ZNF143: variants seen among roughly 807,000 people sequenced by gnomAD.
ZNF143 encodes SPH-binding factor.
A neutral mutation model predicts 74.1 loss-of-function variants in ZNF143; 49 were observed. That is an observed-to-expected ratio of 0.66 (90% CI 0.53 to 0.84). The LOEUF (loss-of-function observed/expected upper bound fraction) is 0.84. Among genes scored for constraint, ZNF143 ranks in the 40% least tolerant of loss-of-function variants. ZNF143 has a pLI of 0.00. For synonymous variants in ZNF143, 304 were observed against 282.8 expected (o/e 1.07, Z -0.75); for missense variants, 637 against 793.4 (o/e 0.80, Z 2.37).
rs564969157 is a variant in ZNF143 at position 9,519,640 on chromosome 11, G to C, written c.1686+3278G>C. 1.4e-4 allele frequency among the ~76,000 whole-genome samples: 22 copies of C among 152,240 alleles called. 1 individual carries two copies. In the South Asian group the frequency reaches 4.6e-3, roughly 32 times the overall value. Reference sequence around the variant, plus strand: ...CTTGTTGATATATTCTCCCCTTGGTGAACATTTGAAATGCTTCCAGTTTTT... The same window carrying C: ...CTTGTTGATATATTCTCCCCTTGGTCAACATTTGAAATGCTTCCAGTTTTT... On this transcript the variant is annotated intron_variant, in intron 14 of 15. Coordinates refer to ENST00000396602, the MANE Select transcript of ZNF143 (RefSeq NM_003442.6).
At chr11:9,521,920 G>T (rs574319445) in intron 14 of ZNF143, among the ~76,000 whole-genome samples, 4 of 152,044 alleles carry the variant, frequency 2.6e-5, no homozygotes, top group African/African-American at 9.6e-5. Flanking sequence ...TACAAAATTA[G>T]CCAGGTGTGG....
intron 14 of ZNF143, among the ~76,000 whole-genome samples, chr11:9,518,304 C>G (rs1381789048): frequency 6.6e-6 from 1 of 152,178 alleles, no homozygotes; most frequent in Non-Finnish European, 1.5e-5. Flanking sequence ...ACAACCACCA[C>G]CACCACCTCC....
At chr11:9,493,762 G>A (rs1256304007) in intron 7 of ZNF143, among the ~76,000 whole-genome samples, 1 of 152,130 alleles carries the variant, frequency 6.6e-6, no homozygotes, top group Non-Finnish European at 1.5e-5. Context: ...AGAGTAGAAA[G>A]TCATTCTTCC....
intron 7 of ZNF143, among the ~76,000 whole-genome samples, chr11:9,490,789 G>A (rs1565043155): frequency 6.6e-6 from 1 of 152,164 alleles, no homozygotes; most frequent in African/African-American, 2.4e-5. Context: ...CTGGAGTGCA[G>A]TGGGGCGATC....
At position 9,478,561 on chromosome 11, in the gene ZNF143, G is replaced by A. The variant is rs1463649397; in HGVS notation, c.545G>A (p.Ser182Asn). The A allele has an allele frequency of 1.2e-6, 2 of 1,614,010 alleles. No individual in the cohort carries two copies. Among genetic ancestry groups the A allele is most frequent in the Non-Finnish European group, 1.7e-6 (2 of 1,180,016 alleles). The change falls in exon 6 of 16, where the codon AGT (serine) becomes AAT (asparagine). Residue 182 changes from serine to asparagine, a missense_variant. Around this residue, in one of 2 missense-constraint regions of ZNF143, gnomAD observed 293 missense variants for 307.8 expected, o/e 0.95. Transcript: ENST00000396602. ...GDATIDPDTI[S>N]ALEQYAAKVS... ...GCTACAATTGACCCTGACACCATCA[G>A]TGCTTTGGAACAGTATGCAGCAAAG... is the stretch of plus-strand genomic sequence containing the variant.
Position 9,472,781 on chromosome 11 carries a change from A to G in ZNF143, c.205+12A>G. 2 of 1,539,968 alleles carry G rather than the reference A, an allele frequency of 1.3e-6. No homozygotes were observed. Among genetic ancestry groups the G allele is most frequent in the Non-Finnish European group, 1.7e-6 (2 of 1,147,178 alleles). On this transcript the variant is annotated intron_variant, in intron 3 of 15. Transcript: ENST00000396602. Reference sequence around the variant, plus strand: ...ACACAATTCTAAAGGTATGTGCCTCACATATGGCTGATTGGTTAATACCAG... The same window carrying G: ...ACACAATTCTAAAGGTATGTGCCTCGCATATGGCTGATTGGTTAATACCAG...
intron 4 of ZNF143, 137 bp from the exon 5 acceptor site, chr11:9,474,413 T>TA: frequency 1.2e-6 from 1 of 840,518 alleles, no homozygotes; most frequent in Admixed American, 2.5e-5. Flanking sequence ...TTACTGAACT[T>TA]ACTTAAATGT....
chr11:9,478,112 C>A (rs1208026699), intron 5 of ZNF143, among the ~76,000 whole-genome samples: 2 of 152,230 alleles, frequency 1.3e-5, no homozygotes, highest in Non-Finnish European at 2.9e-5. Context: ...AGGCTTGAGC[C>A]ACTGCACCCG....
intron 2 of ZNF143, among the ~76,000 whole-genome samples, chr11:9,472,051 C>T (rs1480758013): frequency 6.6e-6 from 1 of 150,800 alleles, no homozygotes; most frequent in Non-Finnish European, 1.5e-5. Context: ...ACCTCAGCCT[C>T]CCAAGTAGCT....
intron 11 of ZNF143, among the ~76,000 whole-genome samples, chr11:9,504,055 G>A (rs1466569833): frequency 1.5e-5 from 2 of 137,698 alleles, no homozygotes; most frequent in Non-Finnish European, 3.0e-5. Flanking sequence ...CACCTCCCAC[G>A]TTCAAGCAAT....
rs545353678 is a variant in ZNF143, at chr11:9,484,477, A to G, written c.645+4931A>G. On this transcript the variant is annotated intron_variant, in intron 7 of 15. Transcript: ENST00000396602. ...TGATCCACCTGCCTCGGCCTCCCAAAGTGCTGGGATTTCAGGCGTGAGTCA... is the reference window on the plus strand; with the variant it reads ...TGATCCACCTGCCTCGGCCTCCCAAGGTGCTGGGATTTCAGGCGTGAGTCA... Among the ~76,000 whole-genome samples, 93 of 151,448 alleles carry G rather than the reference A, an allele frequency of 6.1e-4. 5 individuals are homozygous for G. Among genetic ancestry groups the G allele is most frequent in the African/African-American group, 2.1e-3 (87 of 40,810 alleles).
At chr11:9,482,494 TCTC>T (rs1847284938) in intron 7 of ZNF143, among the ~76,000 whole-genome samples, 1 of 151,138 alleles carries the variant, frequency 6.6e-6, no homozygotes, top group Non-Finnish European at 1.5e-5. Context: ...ATGGTCTCGA[TCTC>T]CTGACCTCAT....
chr11:9,473,918 T>A (rs751649037), intron 3 of ZNF143, 23 bp from the exon 4 acceptor site: 3 of 1,613,816 alleles, frequency 1.9e-6, no homozygotes, highest in Non-Finnish European at 2.5e-6. Context: ...TGCCAATTTA[T>A]TGTCTTGAAT....
intron 14 of ZNF143, among the ~76,000 whole-genome samples, chr11:9,521,137 C>A (rs1230915366): frequency 6.6e-6 from 1 of 152,180 alleles, no homozygotes; most frequent in Admixed American, 6.5e-5. Flanking sequence ...TTGAAACCTA[C>A]ACGTACACAT....
chr11:9,478,384 T>C lies in ZNF143; in HGVS notation c.374-6T>C, dbSNP rs1351834336. On this transcript the variant is annotated splice_region_variant and splice_polypyrimidine_tract_variant and intron_variant, in intron 5 of 15. Transcript: ENST00000396602. Reference sequence around the variant, plus strand: ...AATTTAATGGCATTCTCTTCCACTCTCTCAGATAGTTATGACCAGAGTGCA... The same window carrying C: ...AATTTAATGGCATTCTCTTCCACTCCCTCAGATAGTTATGACCAGAGTGCA... 1.2e-6 allele frequency: 2 copies of C among 1,605,322 alleles called. No individual in the cohort carries two copies. The highest frequency in any genetic ancestry group is 1.7e-5 in the Admixed American group (1 of 59,806).
chr11:9,523,423 A>G (rs183686240), intron 14 of ZNF143, among the ~76,000 whole-genome samples: 80 of 152,218 alleles, frequency 5.3e-4, no homozygotes, highest in African/African-American at 1.9e-3. Flanking sequence ...AACCGGAAAT[A>G]TTTGTGTTGA....
chr11:9,521,869 C>T (rs1848942370), intron 14 of ZNF143, among the ~76,000 whole-genome samples: 2 of 151,666 alleles, frequency 1.3e-5, no homozygotes. Context: ...AGTTCAAGAC[C>T]AACCCAGGGC....
At chr11:9,508,177 A>G (rs1460493377) in intron 11 of ZNF143, among the ~76,000 whole-genome samples, 1 of 152,256 alleles carries the variant, frequency 6.6e-6, no homozygotes, top group Admixed American at 6.5e-5. Context: ...TGACATATCT[A>G]ACTAGGTTTA....
intron 1 of ZNF143, among the ~76,000 whole-genome samples, chr11:9,464,084 GTT>G (rs377100202): frequency 0.032 from 3,418 of 108,104 alleles, 71 homozygotes; most frequent in Admixed American, 0.061. Flanking sequence ...GTGTGTGTGT[GTT>G]TGTGTGTGTG....
Sources: allele counts gnomAD v4.1 joint callset (sites outside exome capture counted in the v4.1 genomes callset), GRCh38; gene constraint gnomAD v4.1.1; regional missense constraint gnomAD v4.1.1; transcripts MANE v1.5; gene names NCBI Gene and HGNC (gene_info 2026-07-23, HGNC 2026-07-21).